Variants in SPAG17 observed in about 807,000 individuals in gnomAD.
SPAG17 encodes sperm associated antigen 17.
Under a neutral mutation model 273.6 loss-of-function variants are expected in SPAG17, and 169 were observed. The observed-to-expected ratio is 0.62, with a 90% confidence interval of 0.55 to 0.70. The LOEUF (loss-of-function observed/expected upper bound fraction) is 0.70. Ranked by LOEUF, SPAG17 falls within the 30% of genes least tolerant of loss-of-function variation. SPAG17 has a pLI of 0.00. For synonymous variants in SPAG17, 825 were observed against 873.2 expected (o/e 0.94, Z 0.97); for missense variants, 2,557 against 2,627.8 (o/e 0.97, Z 0.59).
intron 3 of SPAG17, among the ~76,000 whole-genome samples, chr1:118,146,981 C>A (rs554029822): frequency 6.6e-6 from 1 of 152,190 alleles, no homozygotes; most frequent in East Asian, 1.9e-4. Context: ...ACTACCCCAG[C>A]TAATGATAAT....
At chr1:118,150,847 T>C (rs1659335236) in intron 2 of SPAG17, among the ~76,000 whole-genome samples, 1 of 152,218 alleles carries the variant, frequency 6.6e-6, no homozygotes, top group South Asian at 2.1e-4. Flanking sequence ...ATTATTGCTG[T>C]CCTCTGACCT....
Position 117,953,979 on chromosome 1 carries a change from G to A in SPAG17, c.*71C>T. On this transcript the variant is annotated 3_prime_UTR_variant, in exon 49 of 49. Coordinates refer to ENST00000336338, the MANE Select transcript of SPAG17 (RefSeq NM_206996.4). ...CTGGGATGATGGAGTATGTTGTGAT[G>A]ACTTCTTTCCTTTCTCATCCTCTGT... 1 of 1,582,074 alleles carries A rather than the reference G, an allele frequency of 6.3e-7. No homozygotes were observed. The highest frequency in any genetic ancestry group is 2.2e-5 in the East Asian group (1 of 44,636).
chr1:118,086,754 CT>C lies in SPAG17; in HGVS notation c.1527del (p.Glu510LysfsTer14), dbSNP rs767450662. The C allele has an allele frequency of 6.2e-7, 1 of 1,614,100 alleles. No homozygotes were observed. Among genetic ancestry groups the C allele is most frequent in the Non-Finnish European group, 8.5e-7 (1 of 1,180,002 alleles). On this transcript the variant is annotated frameshift_variant, in exon 12 of 49. Transcript: ENST00000336338. LOFTEE classifies it high-confidence loss of function. ...TTGGGCACTGCTTTGCTTTCATTTT[CT>C]TCTTCAGATAAAAATATGTCATGAA... ...KNLHDIFLSE[E>X]ENESKAVPKG...
chr1:118,184,092 G>C (rs1003806828), intron 1 of SPAG17, among the ~76,000 whole-genome samples: 1 of 151,662 alleles, frequency 6.6e-6, no homozygotes, highest in Non-Finnish European at 1.5e-5. Context: ...AAAAAAAACA[G>C]TTATAGTGGA....
chr1:118,129,375 C>T (rs1431946600), intron 3 of SPAG17, among the ~76,000 whole-genome samples: 2 of 152,204 alleles, frequency 1.3e-5, no homozygotes, highest in East Asian at 3.8e-4. Flanking sequence ...TATCACCTGA[C>T]AATTTGTTAG....
At chr1:118,145,087 G>C (rs1046590177) in intron 3 of SPAG17, among the ~76,000 whole-genome samples, 2 of 152,000 alleles carry the variant, frequency 1.3e-5, no homozygotes, top group Admixed American at 6.5e-5. Flanking sequence ...CTTTTCCTTC[G>C]TTTCTTCCAT....
intron 41 of SPAG17, among the ~76,000 whole-genome samples, chr1:117,984,437 G>C (rs1185670023): frequency 6.6e-6 from 1 of 152,202 alleles, no homozygotes. Flanking sequence ...TAGTGAGACT[G>C]AAAGGCAGGA....
chr1:118,023,164 A>G (rs533737764), intron 28 of SPAG17, 140 bp downstream of exon 28: 2 of 501,712 alleles, frequency 4.0e-6, no homozygotes, highest in South Asian at 1.2e-4. Flanking sequence ...GAATTCATTT[A>G]TATGTATGTA....
At chr1:118,094,236 GT>G (rs1655570419) in intron 7 of SPAG17, among the ~76,000 whole-genome samples, 3 of 152,122 alleles carry the variant, frequency 2.0e-5, no homozygotes, top group Non-Finnish European at 4.4e-5. Flanking sequence ...ATAGAAATAT[GT>G]TTTTGTTTTT....
At chr1:118,012,563 G>A (rs1659590271) in intron 29 of SPAG17, among the ~76,000 whole-genome samples, 191 bp from the exon 30 acceptor site, 1 of 152,188 alleles carries the variant, frequency 6.6e-6, no homozygotes, top group Non-Finnish European at 1.5e-5. Flanking sequence ...TATAGATGAG[G>A]AAATGTAGGC....
chr1:117,954,876 G>C (rs111970451), intron 48 of SPAG17, among the ~76,000 whole-genome samples: 1 of 152,164 alleles, frequency 6.6e-6, no homozygotes, highest in African/African-American at 2.4e-5. Flanking sequence ...GCCTGTTTAT[G>C]TTCAGTGTCC....
chr1:118,055,689 G>C (rs368461781), intron 19 of SPAG17, 44 bp downstream of exon 19: 3 of 1,426,516 alleles, frequency 2.1e-6, no homozygotes, highest in Non-Finnish European at 2.9e-6. Context: ...AGAGAAGAAC[G>C]TTCTTGAATT....
chr1:118,116,903 T>C (rs904019884), intron 3 of SPAG17, among the ~76,000 whole-genome samples: 3 of 152,144 alleles, frequency 2.0e-5, no homozygotes, highest in Non-Finnish European at 2.9e-5. Flanking sequence ...GAAAGAGACA[T>C]GATGGCTGTG....
intron 25 of SPAG17, among the ~76,000 whole-genome samples, chr1:118,029,008 G>A (rs981390355): frequency 6.6e-6 from 1 of 152,172 alleles, no homozygotes; most frequent in Non-Finnish European, 1.5e-5. Context: ...TCAGCTACTT[G>A]AAAGAGTGAG....
chr1:118,052,109 C>T (rs142010420), intron 20 of SPAG17, among the ~76,000 whole-genome samples: 5,840 of 137,160 alleles, frequency 0.043, 259 homozygotes, highest in East Asian at 0.24. Flanking sequence ...TAGTATAATA[C>T]AATATAACAT....
intron 13 of SPAG17, among the ~76,000 whole-genome samples, chr1:118,082,949 A>G (rs954279392): frequency 4.7e-5 from 7 of 150,214 alleles, no homozygotes; most frequent in Non-Finnish European, 8.9e-5. Flanking sequence ...GGAACATGAC[A>G]GCTTGATAGG....
intron 20 of SPAG17, among the ~76,000 whole-genome samples, chr1:118,047,547 C>T (rs1445824056): frequency 6.6e-6 from 1 of 152,176 alleles, no homozygotes. Flanking sequence ...AGGCCTGCCC[C>T]AGCAGACTCA....
chr1:118,000,363 G>C (rs1364251557), intron 32 of SPAG17, among the ~76,000 whole-genome samples: 1 of 152,220 alleles, frequency 6.6e-6, no homozygotes, highest in African/African-American at 2.4e-5. Flanking sequence ...TGTGAAGAAA[G>C]TCATTGGTAG....
intron 1 of SPAG17, among the ~76,000 whole-genome samples, chr1:118,161,546 T>G (rs1659913650): frequency 6.6e-6 from 1 of 152,164 alleles, no homozygotes; most frequent in African/African-American, 2.4e-5. Flanking sequence ...GTTTTTTTTC[T>G]TCTTTTTTTT....
Sources: allele counts gnomAD v4.1 joint callset (sites outside exome capture counted in the v4.1 genomes callset), GRCh38; gene constraint gnomAD v4.1.1; transcripts MANE v1.5; gene names NCBI Gene and HGNC (gene_info 2026-07-23, HGNC 2026-07-21).